The following CSMD1 variants were observed in gnomAD, a reference collection of about 807,000 sequenced individuals.
CSMD1 encodes the protein CUB and Sushi multiple domains 1, also known as CUB and sushi domain-containing protein 1.
CSMD1 carries 213 observed loss-of-function variants against 417.5 expected under a neutral mutation model. The ratio of observed to expected loss-of-function variants is 0.51; its 90% CI spans 0.46 to 0.57. CSMD1 has a LOEUF of 0.57. Among genes scored for constraint, CSMD1 ranks in the 20% least tolerant of loss-of-function variants. The pLI, the probability that CSMD1 is intolerant of heterozygous loss-of-function variation, is 0.00. For synonymous variants in CSMD1, 2,862 were observed against 1,736.8 expected, an observed-to-expected ratio of 1.65 and a Z score of -16.11; for missense variants, 6,923 against 4,529.7, an observed-to-expected ratio of 1.53 and a Z score of -15.17.
intron 3 of CSMD1, among the ~76,000 whole-genome samples, chr8:4,288,904 T>C (rs1351317147): frequency 6.6e-6 from 1 of 152,162 alleles, no homozygotes; most frequent in Non-Finnish European, 1.5e-5. Flanking sequence ...ACAACTACTT[T>C]TAAAGTCCTC....
intron 2 of CSMD1, among the ~76,000 whole-genome samples, chr8:4,566,598 A>G (rs1798620073): frequency 7.4e-6 from 1 of 135,086 alleles, no homozygotes; most frequent in South Asian, 2.5e-4. Context: ...GCTTGCAGTG[A>G]GCTGAGATCG....
chr8:4,442,437 G>T (rs538691492), intron 2 of CSMD1, among the ~76,000 whole-genome samples: 1 of 152,038 alleles, frequency 6.6e-6, no homozygotes, highest in Non-Finnish European at 1.5e-5. Flanking sequence ...ATAAAGCCCA[G>T]TTCTATAAAT....
chr8:4,210,037 G>C (rs901326036), intron 3 of CSMD1, among the ~76,000 whole-genome samples: 5 of 152,172 alleles, frequency 3.3e-5, no homozygotes, highest in African/African-American at 1.2e-4. Flanking sequence ...ATTTGGTCCA[G>C]TGTCTAAGCC....
intron 1 of CSMD1, among the ~76,000 whole-genome samples, chr8:4,664,152 G>C (rs1804775831): frequency 1.3e-5 from 2 of 152,188 alleles, no homozygotes; most frequent in Admixed American, 6.5e-5. Context: ...CTGGTAAAGA[G>C]AGAGATACTC....
At chr8:2,972,199 A>C (rs1349208830) in intron 57 of CSMD1, among the ~76,000 whole-genome samples, 1 of 152,146 alleles carries the variant, frequency 6.6e-6, no homozygotes, top group African/African-American at 2.4e-5. Context: ...TGTATAATAC[A>C]ATAAAGGCAG....
intron 3 of CSMD1, among the ~76,000 whole-genome samples, chr8:4,385,504 C>G (rs142458711): frequency 1.6e-4 from 25 of 152,116 alleles, no homozygotes; most frequent in African/African-American, 5.5e-4. Flanking sequence ...TTAGTACTAC[C>G]GTATTAGTAG....
intron 49 of CSMD1, among the ~76,000 whole-genome samples, chr8:3,083,138 T>C (rs2129004002): frequency 6.6e-6 from 1 of 152,274 alleles, no homozygotes; most frequent in African/African-American, 2.4e-5. Context: ...TGTCAGCAAT[T>C]CAGGATCACA....
intron 2 of CSMD1, among the ~76,000 whole-genome samples, chr8:4,455,052 T>C (rs532125849): frequency 2.0e-5 from 3 of 152,118 alleles, no homozygotes; most frequent in Non-Finnish European, 2.9e-5. Flanking sequence ...AATATCACCA[T>C]GTTTAGGCTG....
At chr8:3,804,741 C>G (rs568917320) in intron 5 of CSMD1, among the ~76,000 whole-genome samples, 10 of 152,264 alleles carry the variant, frequency 6.6e-5, no homozygotes, top group Admixed American at 3.3e-4. Flanking sequence ...TTCAACTGAT[C>G]ATGAAATTAG....
intron 1 of CSMD1, among the ~76,000 whole-genome samples, chr8:4,696,706 G>C (rs1340467923): frequency 3.3e-5 from 5 of 152,078 alleles, no homozygotes; most frequent in Non-Finnish European, 5.9e-5. Context: ...TGAAGGCAAG[G>C]ACTTTATCTA....
At position 4,591,623 on chromosome 8, in the gene CSMD1, C is replaced by G. The variant is rs144944581; in HGVS notation, c.302+45719G>C. ...CAAGGGTAGTGATGGCGGAACTGGG[C>G]CTTCAACTGTCAGCAGGAGAGGGCA... On this transcript the variant is annotated intron_variant, in intron 2 of 69. Coordinates refer to ENST00000635120, the MANE Select transcript of CSMD1 (RefSeq NM_033225.6). Among the ~76,000 whole-genome samples the G allele has an allele frequency of 2.6e-4, 40 of 152,156 alleles. No individual in the cohort carries two copies. In the East Asian group the frequency reaches 7.4e-3, roughly 28 times the overall value.
intron 2 of CSMD1, among the ~76,000 whole-genome samples, chr8:4,451,652 T>TTC (rs112020542): frequency 2.0e-5 from 3 of 152,280 alleles, no homozygotes; most frequent in African/African-American, 7.2e-5. Flanking sequence ...TTAGGATACA[T>TTC]TCCTTAGTCA....
At chr8:4,268,056 T>C (rs1804332040) in intron 3 of CSMD1, among the ~76,000 whole-genome samples, 1 of 152,132 alleles carries the variant, frequency 6.6e-6, no homozygotes, top group African/African-American at 2.4e-5. Flanking sequence ...GTGTTCACAA[T>C]TTCAAAATCC....
In CSMD1 at chr8:4,201,201, C is replaced by A. The variant is rs138075952; in HGVS notation, c.416-169102G>T. On this transcript the variant is annotated intron_variant, in intron 3 of 69. Coordinates refer to ENST00000635120, the MANE Select transcript of CSMD1 (RefSeq NM_033225.6). ...TGTTGTGTATGCAGAGGAGGTGATCCAATACATGGCACAAAGAAAATACTG... is the reference window on the plus strand; with the variant it reads ...TGTTGTGTATGCAGAGGAGGTGATCAAATACATGGCACAAAGAAAATACTG... 2.0e-5 allele frequency among the ~76,000 whole-genome samples: 3 copies of A among 152,188 alleles called. No individual in the cohort carries two copies. The East Asian group carries it at 5.8e-4, about 29-fold the overall frequency.
chr8:3,284,589 G>T (rs557871003), intron 25 of CSMD1: 3 of 502,978 alleles, frequency 6.0e-6, no homozygotes, highest in South Asian at 2.2e-5. Flanking sequence ...AGGTGAGCTA[G>T]ATGCTGAGCT....
chr8:4,307,359 G>C (rs1798305606), intron 3 of CSMD1, among the ~76,000 whole-genome samples: 1 of 152,136 alleles, frequency 6.6e-6, no homozygotes, highest in Admixed American at 6.6e-5. Context: ...AGCAATGGGA[G>C]AGGTGGTGGA....
chr8:4,347,821 A>G (rs1421649183), intron 3 of CSMD1, among the ~76,000 whole-genome samples: 2 of 144,546 alleles, frequency 1.4e-5, no homozygotes, highest in African/African-American at 5.5e-5. Context: ...AACAGATATT[A>G]TATCTTCTCT....
Position 3,219,348 on chromosome 8 carries a change from G to T in CSMD1, c.4579C>A (p.Pro1527Thr). 1 of 1,575,956 alleles carries T rather than the reference G, an allele frequency of 6.3e-7. No homozygotes were observed. Among genetic ancestry groups the T allele is most frequent in the East Asian group, 2.3e-5 (1 of 43,358 alleles). Reference sequence around the variant, plus strand: ...TTTCCGCTACTCTCTATTCTTTCTGGGGCCTGAGAGCCCTGGTAACTCCCA... The same window carrying T: ...TTTCCGCTACTCTCTATTCTTTCTGTGGCCTGAGAGCCCTGGTAACTCCCA... ...LIGSYQGSQA[P>T]ERIESSGNSL... The change falls in exon 29 of 70, where the codon CCA becomes ACA. Residue 1527 changes from proline to threonine, a missense_variant. Transcript: ENST00000635120.
intron 23 of CSMD1, among the ~76,000 whole-genome samples, chr8:3,322,915 C>G (rs1443164917): frequency 6.6e-6 from 1 of 152,060 alleles, no homozygotes; most frequent in African/African-American, 2.4e-5. Context: ...AGATAAGTCT[C>G]TGAATTGTTT....
Sources: gnomAD v4.1 joint callset for allele counts (sites outside exome capture counted in the v4.1 genomes callset) on GRCh38, gnomAD v4.1.1 for gene constraint, MANE v1.5 for transcripts, NCBI Gene and HGNC (gene_info 2026-07-23, HGNC 2026-07-21) for gene names.